PRIM2: variants seen among roughly 807,000 people sequenced by gnomAD.
The protein encoded by PRIM2 is DNA primase large subunit.
PRIM2 carries 39 observed loss-of-function variants against 67.3 expected under a neutral mutation model. That is an observed-to-expected ratio of 0.58 (90% confidence interval 0.45 to 0.76). The LOEUF (loss-of-function observed/expected upper bound fraction) is 0.76. PRIM2 is among the 30% of genes least tolerant of loss of function. PRIM2 has a pLI of 0.00. For missense variants in PRIM2, 398 were observed against 598.7 expected (o/e 0.66, Z 3.50); for synonymous variants, 143 against 198.7 (o/e 0.72, Z 2.36).
chr6:57,402,550 T>G (rs1770749175), intron 7 of PRIM2, among the ~76,000 whole-genome samples: 1 of 152,104 alleles, frequency 6.6e-6, no homozygotes, highest in African/African-American at 2.4e-5. Flanking sequence ...TTTAAATGAT[T>G]TGGGTAAATG....
At chr6:57,469,447 C>T (rs1773285502) in intron 7 of PRIM2, among the ~76,000 whole-genome samples, 2 of 152,054 alleles carry the variant, frequency 1.3e-5, no homozygotes, top group African/African-American at 4.8e-5. Flanking sequence ...AAAATTGAAC[C>T]CTTGATATTG....
At chr6:57,538,141 A>T (rs1262137811) in intron 10 of PRIM2, among the ~76,000 whole-genome samples, 1 of 151,750 alleles carries the variant, frequency 6.6e-6, no homozygotes, top group Non-Finnish European at 1.5e-5. Context: ...CATTCTTCCC[A>T]GTAGCTAGGG....
intron 7 of PRIM2, among the ~76,000 whole-genome samples, chr6:57,499,429 G>A (rs1554346648): frequency 2.0e-5 from 3 of 152,072 alleles, no homozygotes; most frequent in Admixed American, 6.6e-5. Context: ...AACCCTAGCC[G>A]ACCTCCTCCT....
the PRIM2 span, among the ~76,000 whole-genome samples, chr6:57,231,165 T>G: frequency 3.9e-5 from 6 of 152,186 alleles, no homozygotes; most frequent in African/African-American, 1.2e-4. Flanking sequence ...ACTGGAGACT[T>G]TTCTTTGAGA....
the PRIM2 span, among the ~76,000 whole-genome samples, chr6:57,247,593 T>C: frequency 6.6e-6 from 1 of 152,226 alleles, no homozygotes; most frequent in African/African-American, 2.4e-5. Context: ...TTCTCATTTA[T>C]AGCTGCTGCA....
intron 7 of PRIM2, among the ~76,000 whole-genome samples, chr6:57,407,149 A>G (rs1443157854): frequency 6.6e-6 from 1 of 152,210 alleles, no homozygotes; most frequent in African/African-American, 2.4e-5. Context: ...ATTAAAGGCT[A>G]AAATAATGGA....
intron 5 of PRIM2, among the ~76,000 whole-genome samples, chr6:57,377,239 T>C (rs1303992379): frequency 6.6e-6 from 1 of 152,214 alleles, no homozygotes; most frequent in Non-Finnish European, 1.5e-5. Flanking sequence ...CCAATAGTTT[T>C]AATAATTTGT....
intron 10 of PRIM2, among the ~76,000 whole-genome samples, chr6:57,590,659 G>A (rs1247116218): frequency 2.6e-5 from 4 of 152,138 alleles, no homozygotes; most frequent in African/African-American, 9.7e-5. Flanking sequence ...TATCTGGGGG[G>A]TTCTTTCTCA....
At chr6:57,236,676 T>C in the PRIM2 span, among the ~76,000 whole-genome samples, 6 of 152,174 alleles carry the variant, frequency 3.9e-5, no homozygotes, top group Non-Finnish European at 7.4e-5. Context: ...TTTGGTTTTT[T>C]GTCCTTGTGA....
At chr6:57,479,234 A>T (rs1320970045) in intron 7 of PRIM2, among the ~76,000 whole-genome samples, 1 of 152,226 alleles carries the variant, frequency 6.6e-6, no homozygotes, top group Non-Finnish European at 1.5e-5. Flanking sequence ...AAGAATAGAT[A>T]ATCAGAACTG....
chr6:57,399,505 G>T (rs565296735), intron 7 of PRIM2, among the ~76,000 whole-genome samples: 7 of 152,260 alleles, frequency 4.6e-5, no homozygotes, highest in African/African-American at 1.4e-4. Context: ...AAACACACGT[G>T]TGCATATGTC....
chr6:57,595,735 G>A (rs1776354486), intron 10 of PRIM2, among the ~76,000 whole-genome samples: 1 of 152,122 alleles, frequency 6.6e-6, no homozygotes, highest in Non-Finnish European at 1.5e-5. Context: ...AGATATGTAG[G>A]AAGCGGCATG....
intron 7 of PRIM2, among the ~76,000 whole-genome samples, chr6:57,418,263 ATT>A (rs1771336433): frequency 6.6e-6 from 1 of 151,890 alleles, no homozygotes; most frequent in Non-Finnish European, 1.5e-5. Context: ...AACAAAGTTT[ATT>A]TTGGTCAAAA....
intron 4 of PRIM2, among the ~76,000 whole-genome samples, chr6:57,324,616 C>T (rs1039605162): frequency 1.3e-5 from 2 of 152,218 alleles, no homozygotes; most frequent in Non-Finnish European, 2.9e-5. Flanking sequence ...TTATAAGAAA[C>T]AATTAATGAA....
At chr6:57,406,692 A>G (rs1236589456) in intron 7 of PRIM2, among the ~76,000 whole-genome samples, 1 of 152,126 alleles carries the variant, frequency 6.6e-6, no homozygotes, top group Non-Finnish European at 1.5e-5. Flanking sequence ...TTCCCTTAAA[A>G]TTTTAAAGGG....
Position 57,318,437 on chromosome 6 carries a change from G to A in PRIM2, c.-9G>A. ...CGCTTTTTGTGTACTTCCTTCTAAGGTGACCAAGATGGAGTTTTCTGGAAG... is the reference window on the plus strand; with the variant it reads ...CGCTTTTTGTGTACTTCCTTCTAAGATGACCAAGATGGAGTTTTCTGGAAG... On this transcript the variant is annotated splice_region_variant and 5_prime_UTR_variant, in exon 2 of 14. It adds an upstream start codon to the 5' untranslated region. Coordinates refer to ENST00000615550, the MANE Select transcript of PRIM2 (RefSeq NM_000947.5). The A allele has an allele frequency of 6.2e-7, 1 of 1,609,986 alleles. No homozygotes were observed. Among genetic ancestry groups the A allele is most frequent in the Non-Finnish European group, 8.5e-7 (1 of 1,178,246 alleles).
At chr6:57,500,864 G>A (rs1774116400) in intron 7 of PRIM2, among the ~76,000 whole-genome samples, 8 of 148,770 alleles carry the variant, frequency 5.4e-5, no homozygotes, top group Admixed American at 5.3e-4. Flanking sequence ...ATAAGCTAAA[G>A]TCTAAGAAAC....
chr6:57,344,103 GGAGA>G (rs1768591555), intron 5 of PRIM2, among the ~76,000 whole-genome samples: 2 of 151,850 alleles, frequency 1.3e-5, no homozygotes, highest in Non-Finnish European at 2.9e-5. Context: ...GTTAGGTCAA[GGAGA>G]GAGTCTTTGT....
intron 7 of PRIM2, among the ~76,000 whole-genome samples, chr6:57,384,098 A>G (rs901718735): frequency 9.9e-5 from 15 of 152,186 alleles, no homozygotes; most frequent in African/African-American, 3.6e-4. Context: ...CCTTATGTGT[A>G]TGCCTTATCC....
Sources: gnomAD v4.1 joint callset for allele counts (sites outside exome capture counted in the v4.1 genomes callset) on GRCh38, gnomAD v4.1.1 for gene constraint, MANE v1.5 for transcripts, NCBI Gene and HGNC (gene_info 2026-07-23, HGNC 2026-07-21) for gene names.